Variants in CHCHD6 observed in about 807,000 individuals in gnomAD.
CHCHD6 encodes MICOS complex subunit MIC25.
In CHCHD6, 28 loss-of-function variants were observed where a neutral mutation model predicts 32.3. The ratio of observed to expected loss-of-function variants is 0.87; its 90% confidence interval spans 0.64 to 1.19. The LOEUF (loss-of-function observed/expected upper bound fraction) is 1.19. Among genes scored for constraint, CHCHD6 ranks in the 50% most tolerant of loss-of-function variants. The probability of loss-of-function intolerance (pLI) is 0.00; values close to 1 mark genes in which losing one functional copy is unlikely to be tolerated. For missense variants in CHCHD6, 333 were observed against 307.0 expected, an observed-to-expected ratio of 1.08 and a Z score of -0.63; for synonymous variants, 122 against 117.5, an observed-to-expected ratio of 1.04 and a Z score of -0.25.
At chr3:126,854,663 G>C (rs1193412674) in intron 5 of CHCHD6, among the ~76,000 whole-genome samples, 8 of 152,142 alleles carry the variant, frequency 5.3e-5, no homozygotes, top group Non-Finnish European at 4.4e-5. Flanking sequence ...CACGGCTCCA[G>C]GACTTCCCAA....
intron 4 of CHCHD6, among the ~76,000 whole-genome samples, chr3:126,849,997 A>G (rs1178780880): frequency 6.6e-6 from 1 of 151,778 alleles, no homozygotes; most frequent in East Asian, 1.9e-4. Flanking sequence ...GTGCTCTTCC[A>G]TACTTCACAG....
At chr3:126,776,420 TCAGTA>T (rs1379674693) in intron 4 of CHCHD6, among the ~76,000 whole-genome samples, 1 of 152,136 alleles carries the variant, frequency 6.6e-6, no homozygotes, top group Non-Finnish European at 1.5e-5. Flanking sequence ...TTCTCTCAGC[TCAGTA>T]AAGTGAGGCT....
At chr3:126,824,316 C>T (rs1940284366) in intron 4 of CHCHD6, among the ~76,000 whole-genome samples, 1 of 151,660 alleles carries the variant, frequency 6.6e-6, no homozygotes, top group Non-Finnish European at 1.5e-5. Flanking sequence ...AATCCCAGTA[C>T]TTTGGGAGGC....
chr3:126,909,839 T>C (rs771657539), intron 5 of CHCHD6, among the ~76,000 whole-genome samples: 105 of 152,212 alleles, frequency 6.9e-4, no homozygotes, highest in Non-Finnish European at 1.1e-3. Flanking sequence ...TGTCTCTCAG[T>C]GGGCAGCAGG....
chr3:126,795,805 C>T (rs140049394), intron 4 of CHCHD6, among the ~76,000 whole-genome samples: 327 of 152,300 alleles, frequency 2.1e-3, no homozygotes, highest in Non-Finnish European at 3.6e-3. Context: ...CCCCTCTTTT[C>T]CATCACCTAG....
chr3:126,821,888 A>G (rs982700097), intron 4 of CHCHD6, among the ~76,000 whole-genome samples: 25 of 152,170 alleles, frequency 1.6e-4, no homozygotes, highest in African/African-American at 5.5e-4. Flanking sequence ...AGAAATGTCT[A>G]TTCAATTCCT....
chr3:126,956,489 G>T (rs1455234049), intron 6 of CHCHD6, among the ~76,000 whole-genome samples: 9 of 152,368 alleles, frequency 5.9e-5, no homozygotes, highest in Admixed American at 1.3e-4. Context: ...GAACGATAGT[G>T]TCTGCTACCA....
chr3:126,886,673 C>G (rs2077684363), intron 5 of CHCHD6, among the ~76,000 whole-genome samples: 1 of 152,194 alleles, frequency 6.6e-6, no homozygotes, highest in Non-Finnish European at 1.5e-5. Flanking sequence ...GACTTAGAAC[C>G]TGAAGGGCAT....
intron 4 of CHCHD6, among the ~76,000 whole-genome samples, chr3:126,805,219 G>A (rs1056847580): frequency 9.9e-5 from 15 of 152,218 alleles, no homozygotes; most frequent in East Asian, 3.9e-4. Flanking sequence ...GGCAAGAGAA[G>A]GAAATAAAGG....
At chr3:126,753,477 C>T (rs999611530) in intron 4 of CHCHD6, among the ~76,000 whole-genome samples, 1 of 152,192 alleles carries the variant, frequency 6.6e-6, no homozygotes, top group Non-Finnish European at 1.5e-5. Flanking sequence ...GCCATAGCTG[C>T]GGCTTGTAGA....
intron 5 of CHCHD6, among the ~76,000 whole-genome samples, chr3:126,894,518 T>G (rs2107579780): frequency 6.6e-6 from 1 of 152,030 alleles, no homozygotes; most frequent in South Asian, 2.1e-4. Flanking sequence ...CAGGAAGAGG[T>G]AGGGGAGAGG....
intron 5 of CHCHD6, among the ~76,000 whole-genome samples, chr3:126,906,433 C>T (rs2078006821): frequency 6.6e-6 from 1 of 152,236 alleles, no homozygotes; most frequent in African/African-American, 2.4e-5. Context: ...CTGGAACGGG[C>T]TCTGCGGCTT....
rs531931258 is a variant in CHCHD6 at position 126,754,839 on chromosome 3, C to T, written c.411+21617C>T. Among the ~76,000 whole-genome samples the T allele has an allele frequency of 2.6e-5, 4 of 152,318 alleles. No individual in the cohort carries two copies. The East Asian group carries it at 7.7e-4, about 29-fold the overall frequency. The stretch of plus-strand genomic sequence containing the variant: ...GATGAAATGGTAGGCACCTTTGGTG[C>T]TTTGGCCTTTGGGAGGCTGTCTCTC... On this transcript the variant is annotated intron_variant, in intron 4 of 7. Coordinates refer to ENST00000290913, the MANE Select transcript of CHCHD6 (RefSeq NM_032343.3).
At chr3:126,807,922 A>G (rs1462644136) in intron 4 of CHCHD6, among the ~76,000 whole-genome samples, 1 of 152,210 alleles carries the variant, frequency 6.6e-6, no homozygotes, top group African/African-American at 2.4e-5. Flanking sequence ...GCCATAGTCA[A>G]TATGTAAGTG....
intron 4 of CHCHD6, among the ~76,000 whole-genome samples, chr3:126,783,826 G>A (rs1938067012): frequency 1.3e-5 from 2 of 152,046 alleles, no homozygotes; most frequent in Non-Finnish European, 2.9e-5. Flanking sequence ...GATCAGGCAT[G>A]CAGGCCTGCC....
At chr3:126,790,457 C>A (rs911974697) in intron 4 of CHCHD6, among the ~76,000 whole-genome samples, 1 of 152,228 alleles carries the variant, frequency 6.6e-6, no homozygotes, top group African/African-American at 2.4e-5. Flanking sequence ...CTTTCAGGTA[C>A]ACCAATCAGA....
At chr3:126,899,752 T>G (rs1443128165) in intron 5 of CHCHD6, among the ~76,000 whole-genome samples, 1 of 152,216 alleles carries the variant, frequency 6.6e-6, no homozygotes. Context: ...CATTTTGTGC[T>G]CTTGCTGCAG....
intron 4 of CHCHD6, chr3:126,767,411 A>T: frequency 1.4e-6 from 1 of 726,286 alleles, no homozygotes; most frequent in Non-Finnish European, 2.6e-6. Flanking sequence ...GGGGGCTCCT[A>T]CTCTCTTGGT....
chr3:126,726,631 T>C (rs879359135), intron 1 of CHCHD6, among the ~76,000 whole-genome samples: 8 of 152,186 alleles, frequency 5.3e-5, no homozygotes, highest in Non-Finnish European at 1.0e-4. Flanking sequence ...ACTTGCATGC[T>C]GTCGAGGAGC....
Sources: gnomAD v4.1 joint callset for allele counts (sites outside exome capture counted in the v4.1 genomes callset) on GRCh38, gnomAD v4.1.1 for gene constraint, MANE v1.5 for transcripts, NCBI Gene and HGNC (gene_info 2026-07-23, HGNC 2026-07-21) for gene names.